Variants in KCNH8 observed in about 807,000 individuals in gnomAD.
KCNH8 encodes potassium voltage-gated channel subfamily H member 8, also known as voltage-gated delayed rectifier potassium channel KCNH8.
KCNH8 carries 70 observed loss-of-function variants against 103.6 expected under a neutral mutation model. That is an observed-to-expected ratio of 0.68 (90% CI 0.56 to 0.82). The LOEUF (loss-of-function observed/expected upper bound fraction) is 0.82. KCNH8 is among the 40% of genes least tolerant of loss of function. KCNH8 has a pLI of 0.00. For missense variants in KCNH8, 1,217 were observed against 1,329.9 expected (o/e 0.92, Z 1.32); for synonymous variants, 498 against 489.4 (o/e 1.02, Z -0.23).
intron 1 of KCNH8, among the ~76,000 whole-genome samples, chr3:19,234,232 C>A (rs2064031928): frequency 6.6e-6 from 1 of 152,216 alleles, no homozygotes; most frequent in South Asian, 2.1e-4. Flanking sequence ...CTTAGTGGAT[C>A]CCGCACCGGG....
At chr3:19,401,371 A>C (rs1326603483) in intron 7 of KCNH8, among the ~76,000 whole-genome samples, 1 of 152,020 alleles carries the variant, frequency 6.6e-6, no homozygotes, top group Non-Finnish European at 1.5e-5. Context: ...TCCCCAACAC[A>C]TCTGCAAATT....
chr3:19,315,683 C>A (rs572570726), intron 3 of KCNH8, among the ~76,000 whole-genome samples: 1 of 152,010 alleles, frequency 6.6e-6, no homozygotes, highest in Admixed American at 6.6e-5. Context: ...CAAAATAGTT[C>A]TTTTGTGCAC....
At chr3:19,487,460 C>A (rs1258355155) in intron 11 of KCNH8, among the ~76,000 whole-genome samples, 1 of 152,090 alleles carries the variant, frequency 6.6e-6, no homozygotes, top group Non-Finnish European at 1.5e-5. Flanking sequence ...AACTATAGTT[C>A]TAAATTATAG....
intron 5 of KCNH8, among the ~76,000 whole-genome samples, chr3:19,371,373 T>A (rs1238999220): frequency 3.9e-5 from 6 of 152,122 alleles, no homozygotes; most frequent in Admixed American, 6.6e-5. Context: ...ATGATAAGCA[T>A]TTTTTCATGT....
intron 1 of KCNH8, 84 bp from the exon 2 acceptor site, chr3:19,253,570 A>G (rs1000834982): frequency 2.7e-6 from 3 of 1,093,496 alleles, no homozygotes; most frequent in African/African-American, 1.6e-5. Flanking sequence ...AGCTAAACAC[A>G]TATGCTGATA....
intron 3 of KCNH8, among the ~76,000 whole-genome samples, chr3:19,303,568 T>G (rs1391151820): frequency 2.6e-5 from 4 of 152,094 alleles, no homozygotes; most frequent in African/African-American, 9.7e-5. Context: ...GTGTCTATAT[T>G]TATAGATTTA....
chr3:19,457,177 A>G (rs2067546276), intron 11 of KCNH8, among the ~76,000 whole-genome samples, 195 bp downstream of exon 11: 1 of 152,028 alleles, frequency 6.6e-6, no homozygotes, highest in Non-Finnish European at 1.5e-5. Flanking sequence ...ACATTCTAGG[A>G]AAATATTTTT....
chr3:19,530,341 A>T (rs2069138466), intron 15 of KCNH8, among the ~76,000 whole-genome samples: 1 of 152,188 alleles, frequency 6.6e-6, no homozygotes, highest in Non-Finnish European at 1.5e-5. Context: ...TGTTTGAGAT[A>T]GTGGTTATAC....
At chr3:19,248,893 A>G (rs754772659) in intron 1 of KCNH8, among the ~76,000 whole-genome samples, 43 of 152,348 alleles carry the variant, frequency 2.8e-4, no homozygotes, top group Non-Finnish European at 6.0e-4. Flanking sequence ...GATCAGACTC[A>G]GTGACCTGGG....
At chr3:19,503,445 T>C (rs1306183689) in intron 11 of KCNH8, among the ~76,000 whole-genome samples, 9 of 152,162 alleles carry the variant, frequency 5.9e-5, no homozygotes, top group Non-Finnish European at 1.3e-4. Context: ...CCCAAAGGAC[T>C]ATAAATCATG....
At chr3:19,150,413 T>C (rs75935963) in intron 1 of KCNH8, among the ~76,000 whole-genome samples, 7,152 of 152,256 alleles carry the variant, frequency 0.047, 544 homozygotes, top group African/African-American at 0.16. Flanking sequence ...TGAATTTGTC[T>C]ATTGAAAATG....
chr3:19,512,874 G>T (rs1004618195), intron 12 of KCNH8, 96 bp from the exon 13 acceptor site: 23 of 1,080,072 alleles, frequency 2.1e-5, no homozygotes, highest in African/African-American at 4.8e-5. Flanking sequence ...GTCTCTAAGA[G>T]ATTTGACTTT....
chr3:19,230,577 T>C (rs182557261), intron 1 of KCNH8, among the ~76,000 whole-genome samples: 2 of 152,220 alleles, frequency 1.3e-5, no homozygotes, highest in Admixed American at 1.3e-4. Context: ...AAATGCATAC[T>C]GTGTCATCGG....
intron 15 of KCNH8, among the ~76,000 whole-genome samples, chr3:19,525,152 A>G (rs1168476000): frequency 6.6e-6 from 1 of 151,954 alleles, no homozygotes; most frequent in East Asian, 1.9e-4. Context: ...TCCACAATGT[A>G]TACATATATC....
chr3:19,389,480 C>T (rs938254847), intron 5 of KCNH8, among the ~76,000 whole-genome samples: 1 of 152,110 alleles, frequency 6.6e-6, no homozygotes, highest in East Asian at 1.9e-4. Context: ...GAAATTCACA[C>T]AAGAAACTAC....
rs192456138 is a variant in KCNH8 at position 19,383,824 on chromosome 3, A to G, written c.812-6657A>G. ...TTTCTATTTTTACTTAAACTTGGAA[A>G]CTTTACCACCTAATAACTACACCTA... On this transcript the variant is annotated intron_variant, in intron 5 of 15. Transcript: ENST00000328405. Among the ~76,000 whole-genome samples the G allele has an allele frequency of 2.0e-5, 3 of 152,332 alleles. No homozygotes were observed. The East Asian group carries it at 5.8e-4, about 29-fold the overall frequency.
chr3:19,367,919 AG>A (rs1467832953), intron 5 of KCNH8, among the ~76,000 whole-genome samples: 1 of 152,034 alleles, frequency 6.6e-6, no homozygotes, highest in Non-Finnish European at 1.5e-5. Context: ...GGCTTACAAG[AG>A]AGAGCATGGG....
At chr3:19,356,554 A>G (rs1034297148) in intron 5 of KCNH8, among the ~76,000 whole-genome samples, 1 of 152,050 alleles carries the variant, frequency 6.6e-6, no homozygotes, top group Non-Finnish European at 1.5e-5. Flanking sequence ...TGTTAGTTAC[A>G]AAGTTTGGCT....
chr3:19,411,184 A>G (rs2066772858), intron 7 of KCNH8, among the ~76,000 whole-genome samples: 1 of 152,156 alleles, frequency 6.6e-6, no homozygotes, highest in Admixed American at 6.6e-5. Flanking sequence ...AGTAGGCTTC[A>G]TTCCTGGGAT....
Sources: gnomAD v4.1 joint callset for allele counts (sites outside exome capture counted in the v4.1 genomes callset) on GRCh38, gnomAD v4.1.1 for gene constraint, MANE v1.5 for transcripts, NCBI Gene and HGNC (gene_info 2026-07-23, HGNC 2026-07-21) for gene names.